INPP4A: variants seen among roughly 807,000 people sequenced by gnomAD.
INPP4A encodes inositol polyphosphate-4-phosphatase type I A.
Under a neutral mutation model 119.8 loss-of-function variants are expected in INPP4A, and 33 were observed. The observed-to-expected ratio is 0.28, with a 90% CI of 0.21 to 0.37. The LOEUF (loss-of-function observed/expected upper bound fraction) is 0.37. Among genes scored for constraint, INPP4A ranks in the 10% least tolerant of loss-of-function variants. INPP4A has a pLI of 1.00. For synonymous variants in INPP4A, 496 were observed against 500.7 expected, an observed-to-expected ratio of 0.99 and a Z score of 0.12; for missense variants, 956 against 1,289.9, an observed-to-expected ratio of 0.74 and a Z score of 3.97.
intron 1 of INPP4A, among the ~76,000 whole-genome samples, chr2:98,474,960 TACAGGAGAC>T (rs1347111918): frequency 6.6e-6 from 1 of 152,166 alleles, no homozygotes; most frequent in African/African-American, 2.4e-5. Flanking sequence ...CCTAAGGAGC[TACAGGAGAC>T]AAGGGTGTAC....
chr2:98,517,906 C>A (rs942180718), intron 1 of INPP4A, among the ~76,000 whole-genome samples: 2 of 152,196 alleles, frequency 1.3e-5, no homozygotes, highest in Non-Finnish European at 2.9e-5. Flanking sequence ...GACAGCTTCC[C>A]CCAGGTCCTC....
intron 24 of INPP4A, among the ~76,000 whole-genome samples, chr2:98,581,190 G>T (rs1699248347): frequency 6.6e-6 from 1 of 152,226 alleles, no homozygotes; most frequent in African/African-American, 2.4e-5. Flanking sequence ...AGAAATCCCT[G>T]TCTGTGCAGC....
intron 13 of INPP4A, among the ~76,000 whole-genome samples, chr2:98,548,017 T>G (rs909692073): frequency 2.6e-5 from 4 of 152,118 alleles, no homozygotes; most frequent in African/African-American, 9.7e-5. Context: ...CTGCCATGGC[T>G]GGGAGTCAGG....
At chr2:98,559,325 A>G in intron 16 of INPP4A, 138 bp from the exon 17 acceptor site, 1 of 900,980 alleles carries the variant, frequency 1.1e-6, no homozygotes, top group Non-Finnish European at 1.8e-6. Context: ...AGAGGCAGCC[A>G]GGCACCCAGA....
intron 1 of INPP4A, among the ~76,000 whole-genome samples, chr2:98,483,431 C>T (rs1048499671): frequency 1.3e-5 from 2 of 152,084 alleles, no homozygotes; most frequent in Non-Finnish European, 2.9e-5. Context: ...CTGCCCCAGG[C>T]GGGGCAGAGA....
At chr2:98,528,016 A>G (rs1486260869) in intron 4 of INPP4A, among the ~76,000 whole-genome samples, 1 of 152,248 alleles carries the variant, frequency 6.6e-6, no homozygotes, top group Non-Finnish European at 1.5e-5. Context: ...GCTCATACAC[A>G]GATGGAAAAA....
Position 98,546,708 on chromosome 2 carries a change from G to T in INPP4A, c.1163+14G>T. The T allele has an allele frequency of 6.7e-7, 1 of 1,493,034 alleles. No individual in the cohort carries two copies. Among genetic ancestry groups the T allele is most frequent in the Non-Finnish European group, 9.3e-7 (1 of 1,069,728 alleles). 92.5% of individuals were successfully genotyped at this position (1,493,034 alleles called of 1,614,324 possible). A position where few individuals can be genotyped will look rare whatever the true frequency, so the allele number is the denominator to read the frequency against. On this transcript the variant is annotated intron_variant, in intron 13 of 24. Coordinates refer to ENST00000409851, the MANE Select transcript of INPP4A (RefSeq NM_001134225.2). The surrounding 1 kb of genome is among the most constrained non-coding windows in gnomAD (Gnocchi z 4.2). ...GACCAAGAAACAGTAAGTAGCCAGA[G>T]AGGGTTTGTGGTCCTTGTACAGCTT... is the stretch of plus-strand genomic sequence containing the variant.
At chr2:98,531,780 A>G (rs1458829709) in intron 4 of INPP4A, among the ~76,000 whole-genome samples, 3 of 152,254 alleles carry the variant, frequency 2.0e-5, no homozygotes, top group Admixed American at 2.0e-4. Flanking sequence ...TTAAAAGCTG[A>G]AAGAATGTCA....
At chr2:98,562,456 G>A (rs981366664) in intron 17 of INPP4A, among the ~76,000 whole-genome samples, 1 of 152,168 alleles carries the variant, frequency 6.6e-6, no homozygotes, top group Non-Finnish European at 1.5e-5. Context: ...TCTGGCAGCC[G>A]CACAGCTCCC....
intron 1 of INPP4A, among the ~76,000 whole-genome samples, chr2:98,478,626 G>A (rs1262066995): frequency 6.6e-6 from 1 of 152,154 alleles, no homozygotes; most frequent in Non-Finnish European, 1.5e-5. Context: ...CCTTTTTGAT[G>A]GTTACCAATG....
chr2:98,587,425 TCTTTTTTC>T (rs1700066986), intron 24 of INPP4A, 43 bp from the exon 25 acceptor site: 1 of 1,511,650 alleles, frequency 6.6e-7, no homozygotes, highest in African/African-American at 1.4e-5. Context: ...TTAAGTCTTT[TCTTTTTTC>T]CTTTTTTACT....
intron 13 of INPP4A, among the ~76,000 whole-genome samples, chr2:98,551,036 G>A (rs1693423347): frequency 6.6e-6 from 1 of 151,898 alleles, no homozygotes; most frequent in African/African-American, 2.4e-5. Flanking sequence ...ACTCACTACA[G>A]CCTCAAACTC....
At chr2:98,477,819 G>T (rs1371902684) in intron 1 of INPP4A, among the ~76,000 whole-genome samples, 1 of 152,244 alleles carries the variant, frequency 6.6e-6, no homozygotes, top group Non-Finnish European at 1.5e-5. Flanking sequence ...GAGGCTAAGG[G>T]CCCCTCTAAT....
rs1553455413 is a variant in INPP4A, at chr2:98,444,866, C to CGGCGGCGGCTGGCTAG, written c.-381_-366dup. 1 of 152,028 alleles carries CGGCGGCGGCTGGCTAG rather than the reference C, an allele frequency of 6.6e-6. No homozygotes were observed. The highest frequency in any genetic ancestry group is 6.6e-5 in the Admixed American group (1 of 15,214). The allele number at this position is 152,028 out of a possible 1,614,324, so 9.4% of individuals were successfully genotyped here. Reference sequence around the variant, plus strand: ...GCGGGGCTGCGCCCGGCGTCTAGAGCGGCGGCGGCTGGCTAGGGCTGCGGC... The same window carrying CGGCGGCGGCTGGCTAG: ...GCGGGGCTGCGCCCGGCGTCTAGAGCGGCGGCGGCTGGCTAGGGCGGCGGCTGGCTAGGGCTGCGGC... On this transcript the variant is annotated 5_prime_UTR_variant, in exon 1 of 25. Transcript: ENST00000409851.
chr2:98,493,960 C>G (rs1385968263), intron 1 of INPP4A, among the ~76,000 whole-genome samples: 1 of 152,150 alleles, frequency 6.6e-6, no homozygotes, highest in African/African-American at 2.4e-5. Context: ...AAGAAAACAA[C>G]CAAACTTGGA....
intron 4 of INPP4A, among the ~76,000 whole-genome samples, chr2:98,530,772 G>T (rs1026632168): frequency 6.6e-6 from 1 of 152,150 alleles, no homozygotes; most frequent in Non-Finnish European, 1.5e-5. Context: ...ATCCAAAGGG[G>T]CTGTATATAT....
At position 98,566,471 on chromosome 2, in the gene INPP4A, G is replaced by A. The variant is rs775547115; in HGVS notation, c.2420+302G>A. Among the ~76,000 whole-genome samples the A allele has an allele frequency of 1.3e-5, 2 of 152,182 alleles. No homozygotes were observed. The highest frequency in any genetic ancestry group is 2.9e-5 in the Non-Finnish European group (2 of 68,024). On this transcript the variant is annotated intron_variant, in intron 21 of 24. Transcript: ENST00000409851. The surrounding 1 kb of genome is among the most constrained non-coding windows in gnomAD (Gnocchi z 4.2). ...GAGTAGGGCACCCAGCAAGGTCTAGGGGGTCTGTAAAGGCTTCTTGGAGTT... is the reference window on the plus strand; with the variant it reads ...GAGTAGGGCACCCAGCAAGGTCTAGAGGGTCTGTAAAGGCTTCTTGGAGTT...
chr2:98,593,781 C>T lies in INPP4A; in HGVS notation c.*6173C>T, dbSNP rs1201802596. On this transcript the variant is annotated 3_prime_UTR_variant, in exon 25 of 25. Coordinates refer to ENST00000409851, the MANE Select transcript of INPP4A (RefSeq NM_001134225.2). Reference sequence around the variant, plus strand: ...TTGAGAACCATCCCATAATTTCCATCCATGCACCCCAAGGCCTGGTCTGTA... The same window carrying T: ...TTGAGAACCATCCCATAATTTCCATTCATGCACCCCAAGGCCTGGTCTGTA... 1 of 152,438 alleles carries T rather than the reference C, an allele frequency of 6.6e-6. No individual in the cohort carries two copies. The highest frequency in any genetic ancestry group is 1.5e-5 in the Non-Finnish European group (1 of 68,240). The allele number at this position is 152,438 out of a possible 1,614,324, so 9.4% of individuals were successfully genotyped here.
At chr2:98,583,897 C>T (rs775037425) in intron 24 of INPP4A, among the ~76,000 whole-genome samples, 13 of 152,214 alleles carry the variant, frequency 8.5e-5, no homozygotes, top group Non-Finnish European at 1.3e-4. Flanking sequence ...ACTTTACATC[C>T]TAAAATGTAA....
Sources: allele counts gnomAD v4.1 joint callset (sites outside exome capture counted in the v4.1 genomes callset), GRCh38; gene constraint gnomAD v4.1.1; non-coding constraint Gnocchi (gnomAD v3.1); transcripts MANE v1.5; gene names NCBI Gene and HGNC (gene_info 2026-07-23, HGNC 2026-07-21).